The following SUGT1 variants were observed in gnomAD, a reference collection of about 807,000 sequenced individuals.
SUGT1 encodes the protein SGT1 assembly cochaperone of MIS12 kinetochore complex, also known as protein SGT1 homolog.
Under a neutral mutation model 56.1 loss-of-function variants are expected in SUGT1, and 15 were observed. The observed-to-expected ratio is 0.27, with a 90% CI of 0.18 to 0.41. SUGT1 has a LOEUF of 0.41. Among genes scored for constraint, SUGT1 ranks in the 10% least tolerant of loss-of-function variants. The probability of loss-of-function intolerance (pLI) is 1.00; values close to 1 mark genes in which losing one functional copy is unlikely to be tolerated. For missense variants in SUGT1, 347 were observed against 382.2 expected, an observed-to-expected ratio of 0.91 and a Z score of 0.77; for synonymous variants, 123 against 128.6, an observed-to-expected ratio of 0.96 and a Z score of 0.30.
chr13:52,670,951 T>C (rs1962912530), intron 10 of SUGT1, among the ~76,000 whole-genome samples: 1 of 152,188 alleles, frequency 6.6e-6, no homozygotes, highest in Non-Finnish European at 1.5e-5. Flanking sequence ...GGCCTGGAAT[T>C]GTGAGAAATA....
intron 10 of SUGT1, among the ~76,000 whole-genome samples, chr13:52,671,577 T>A (rs1190541940): frequency 6.6e-6 from 1 of 152,190 alleles, no homozygotes; most frequent in Non-Finnish European, 1.5e-5. Context: ...AGTTTACAGG[T>A]AGAGAAACTT....
intron 2 of SUGT1, 38 bp from the exon 3 acceptor site, chr13:52,657,494 C>A (rs1438491734): frequency 1.3e-6 from 2 of 1,570,910 alleles, no homozygotes; most frequent in Non-Finnish European, 8.7e-7. Flanking sequence ...TGGCTTCTTA[C>A]AAACTTTTAC....
At chr13:52,677,430 C>T (rs893476395) in intron 11 of SUGT1, among the ~76,000 whole-genome samples, 3 of 152,174 alleles carry the variant, frequency 2.0e-5, no homozygotes, top group South Asian at 2.1e-4. Flanking sequence ...ATTTAAGCAT[C>T]TGCTTCACAC....
At chr13:52,683,982 G>T (rs1963473467) in intron 12 of SUGT1, among the ~76,000 whole-genome samples, 1 of 152,200 alleles carries the variant, frequency 6.6e-6, no homozygotes, top group Non-Finnish European at 1.5e-5. Flanking sequence ...CCAGGCTCAA[G>T]TGATCCTCTC....
chr13:52,663,968 T>C, intron 7 of SUGT1, 67 bp from the exon 8 acceptor site: 1 of 1,429,622 alleles, frequency 7.0e-7, no homozygotes, highest in Non-Finnish European at 9.8e-7. Flanking sequence ...ATTTTAATAA[T>C]ACAGTTGCTA....
chr13:52,686,258 A>G (rs1378562308), intron 12 of SUGT1, among the ~76,000 whole-genome samples: 1 of 152,152 alleles, frequency 6.6e-6, no homozygotes, highest in East Asian at 1.9e-4. Context: ...GACTTGTCAA[A>G]TGTAATTCAG....
intron 10 of SUGT1, among the ~76,000 whole-genome samples, chr13:52,667,183 T>A (rs1343078065): frequency 1.3e-5 from 2 of 152,208 alleles, no homozygotes; most frequent in African/African-American, 2.4e-5. Context: ...GGGGTTTTTT[T>A]AAAAAGATAC....
chr13:52,658,427 A>G lies in SUGT1; in HGVS notation c.216A>G (p.Leu72=), dbSNP rs1468198018. 6.2e-6 allele frequency: 10 copies of G among 1,612,888 alleles called. No individual in the cohort carries two copies. In the Admixed American group the frequency reaches 1.0e-4, roughly 16 times the overall value. Residue 72 remains leucine (L), a synonymous_variant, in exon 4 of 13, where the codon CTA becomes CTG. Transcript: ENST00000310528. The part of the protein sequence containing the change: ...CVAVADAKKS[L]ELNPNNSTAM... The stretch of plus-strand genomic sequence containing the variant: ...CTGTTGCTGATGCAAAGAAGTCTCT[A>G]GAACTCAATCCAAATAATTCCACTG...
Position 52,696,520 on chromosome 13 carries a change from C to T in SUGT1, c.*8685C>T, listed in dbSNP as rs1292093728. ...TAGTGCCTTTCACATAGTATGTACT[C>T]AAATATTGGAAGTTACTCATCCCAA... On this transcript the variant is annotated 3_prime_UTR_variant, in exon 13 of 13. Transcript: ENST00000310528. The T allele has an allele frequency of 6.6e-6, 1 of 152,122 alleles. No homozygotes were observed. Among genetic ancestry groups the T allele is most frequent in the Non-Finnish European group, 1.5e-5 (1 of 68,032 alleles). 9.4% of individuals were successfully genotyped at this position (152,122 alleles called of 1,614,324 possible).
At position 52,699,117 on chromosome 13, in the gene SUGT1, C is replaced by G. The variant is rs1964015415; in HGVS notation, c.*11282C>G. 1 of 152,066 alleles carries G rather than the reference C, an allele frequency of 6.6e-6. No homozygotes were observed. The highest frequency in any genetic ancestry group is 2.1e-4 in the South Asian group (1 of 4,812). The allele number at this position is 152,066 out of a possible 1,614,324, so 9.4% of individuals were successfully genotyped here. On this transcript the variant is annotated 3_prime_UTR_variant, in exon 13 of 13. Coordinates refer to ENST00000310528, the MANE Select transcript of SUGT1 (RefSeq NM_006704.5). ...AGAGGAAAAGCTACTTGGCTTGCTC[C>G]TTTGAAGGTTTTGTTTCCCTCTTAA...
rs1555274216 is a variant in SUGT1, at chr13:52,681,849, A to AAAAG, written c.900+1695_900+1696insAAGA. 5.3e-3 allele frequency among the ~76,000 whole-genome samples: 784 copies of AAAAG among 147,178 alleles called. 9 individuals carry two copies. Among genetic ancestry groups the AAAAG allele is most frequent in the African/African-American group, 0.019 (748 of 40,030 alleles). On this transcript the variant is annotated intron_variant, in intron 12 of 12. Transcript: ENST00000310528. ...ACCCTATCTCTTTAAAAAAAAAAAAAAGAGAGAGAGAGAGATAGAACATTT... is the reference window on the plus strand; with the variant it reads ...ACCCTATCTCTTTAAAAAAAAAAAAAAAAGAGAGAGAGAGAGAGATAGAACATTT...
In SUGT1 at chr13:52,700,182, A is replaced by G. The variant is rs1458451135; in HGVS notation, c.*12347A>G. 6.6e-6 allele frequency: 1 copy of G among 152,184 alleles called. No homozygotes were observed. The highest frequency in any genetic ancestry group is 1.5e-5 in the Non-Finnish European group (1 of 68,020). 9.4% of individuals were successfully genotyped at this position (152,184 alleles called of 1,614,324 possible). A position where few individuals can be genotyped will look rare whatever the true frequency, so the allele number is the denominator to read the frequency against. ...TAGTGGGTATACTGTTCCCAGTCCC[A>G]TTACTGATTTTTATTCCTCTGTGAT... On this transcript the variant is annotated 3_prime_UTR_variant, in exon 13 of 13. Coordinates refer to ENST00000310528, the MANE Select transcript of SUGT1 (RefSeq NM_006704.5).
At chr13:52,686,792 T>C (rs6561681) in intron 12 of SUGT1, among the ~76,000 whole-genome samples, 151,140 of 152,274 alleles carry the variant, frequency 0.99, 75,007 homozygotes, top group East Asian at 1. Context: ...CAGATGGGGC[T>C]GGGTGCGGTG....
At chr13:52,662,810 G>A (rs930741675) in intron 6 of SUGT1, 108 bp downstream of exon 6, 39 of 1,160,168 alleles carry the variant, frequency 3.4e-5, no homozygotes, top group Middle Eastern at 2.9e-4. Flanking sequence ...CTTTTAAATA[G>A]TATACGTTTC....
At chr13:52,679,767 A>G (rs1219220040) in intron 11 of SUGT1, among the ~76,000 whole-genome samples, 1 of 152,152 alleles carries the variant, frequency 6.6e-6, no homozygotes, top group African/African-American at 2.4e-5. Flanking sequence ...AAATCCCCAG[A>G]TTTTACATTA....
Position 52,699,313 on chromosome 13 carries a change from T to C in SUGT1, c.*11478T>C, listed in dbSNP as rs1226857214. ...AGTGAAACAAAATGAGAATAACTAT[T>C]TGGGCAAAACACTTTTATCACTGCT... On this transcript the variant is annotated 3_prime_UTR_variant, in exon 13 of 13. Coordinates refer to ENST00000310528, the MANE Select transcript of SUGT1 (RefSeq NM_006704.5). 1 of 152,148 alleles carries C rather than the reference T, an allele frequency of 6.6e-6. No individual in the cohort carries two copies. 9.4% of individuals were successfully genotyped at this position (152,148 alleles called of 1,614,324 possible).
chr13:52,683,703 G>A (rs1277599393), intron 12 of SUGT1, among the ~76,000 whole-genome samples: 2 of 152,082 alleles, frequency 1.3e-5, no homozygotes, highest in Non-Finnish European at 2.9e-5. Context: ...CCAGTGAAAC[G>A]GTCTGGGCCT....
Position 52,691,486 on chromosome 13 carries a change from T to C in SUGT1, c.*3651T>C, listed in dbSNP as rs780484789. ...GATATATCACTGACCCAGAGCAAAA[T>C]TGCATATTAGTTTACCATCTAATCA... On this transcript the variant is annotated 3_prime_UTR_variant, in exon 13 of 13. Transcript: ENST00000310528. 9 of 152,220 alleles carry C rather than the reference T, an allele frequency of 5.9e-5. No homozygotes were observed. The highest frequency in any genetic ancestry group is 3.8e-4 in the East Asian group (2 of 5,196). 9.4% of individuals were successfully genotyped at this position (152,220 alleles called of 1,614,324 possible).
At chr13:52,660,959 A>C (rs1263024296) in intron 5 of SUGT1, among the ~76,000 whole-genome samples, 1 of 152,116 alleles carries the variant, frequency 6.6e-6, no homozygotes, top group Non-Finnish European at 1.5e-5. Context: ...GGCACATGCC[A>C]CCACACCTGA....
Sources: gnomAD v4.1 joint callset for allele counts (sites outside exome capture counted in the v4.1 genomes callset) on GRCh38, gnomAD v4.1.1 for gene constraint, MANE v1.5 for transcripts, NCBI Gene and HGNC (gene_info 2026-07-23, HGNC 2026-07-21) for gene names.